The following ACAP2 variants were observed in gnomAD, a reference collection of about 807,000 sequenced individuals.
The protein encoded by ACAP2 is arf-GAP with coiled-coil, ANK repeat and PH domain-containing protein 2.
A neutral mutation model predicts 115.8 loss-of-function variants in ACAP2; 39 were observed. That is an observed-to-expected ratio of 0.34 (90% CI 0.26 to 0.44). The LOEUF (loss-of-function observed/expected upper bound fraction) is 0.44, where lower values mean the gene tolerates loss of function less well. ACAP2 is among the 20% of genes least tolerant of loss of function. The pLI is 1.00. For missense variants in ACAP2, 662 were observed against 927.6 expected (o/e 0.71, Z 3.72); for synonymous variants, 289 against 315.8 (o/e 0.92, Z 0.90).
chr3:195,355,992 G>T, intron 4 of ACAP2: 3 of 411,262 alleles, frequency 7.3e-6, no homozygotes, highest in Non-Finnish European at 1.5e-5. Context: ...CTCCCTGCAG[G>T]AACACCAAAT....
Position 195,320,786 on chromosome 3 carries a change from C to G in ACAP2, c.772G>C (p.Glu258Gln). ...CCATTTGCAGCATCTACGTTATATT[C>G]TAACTTAGAATCATCACTGGAGAAA... ...KDFSSDDSKL[E>Q]YNVDAANGIV... The change falls in exon 10 of 23, where the codon GAA becomes CAA. Residue 258 changes from glutamate (E) to glutamine (Q), a missense_variant. Glu to Gln is a conservative substitution (Grantham distance 29, BLOSUM62 2). Around this residue, in one of 3 missense-constraint regions of ACAP2, gnomAD observed 401 missense variants for 604.4 expected, o/e 0.66. Coordinates refer to ENST00000326793, the MANE Select transcript of ACAP2 (RefSeq NM_012287.6). The G allele has an allele frequency of 1.2e-6, 2 of 1,612,628 alleles. No individual in the cohort carries two copies. The highest frequency in any genetic ancestry group is 1.7e-6 in the Non-Finnish European group (2 of 1,178,938).
intron 1 of ACAP2, among the ~76,000 whole-genome samples, chr3:195,405,630 G>A (rs1045060708): frequency 1.3e-5 from 2 of 151,554 alleles, no homozygotes; most frequent in African/African-American, 4.9e-5. Context: ...AGGTTGCAGT[G>A]AGCTGAGATT....
chr3:195,346,172 T>G (rs1429185383), intron 4 of ACAP2, among the ~76,000 whole-genome samples: 1 of 152,204 alleles, frequency 6.6e-6, no homozygotes, highest in Non-Finnish European at 1.5e-5. Context: ...TCTGTCAATT[T>G]ACTTCCAGAG....
chr3:195,288,780 T>C (rs1356831401), intron 21 of ACAP2, among the ~76,000 whole-genome samples: 2 of 151,892 alleles, frequency 1.3e-5, no homozygotes, highest in Non-Finnish European at 2.9e-5. Flanking sequence ...ATGGCTTGAA[T>C]CTGGGAGGTG....
intron 18 of ACAP2, among the ~76,000 whole-genome samples, chr3:195,292,921 C>CAAAA (rs3988217): frequency 0.032 from 2,371 of 75,056 alleles, 246 homozygotes; most frequent in Non-Finnish European, 0.046. Flanking sequence ...GACTCAGTCT[C>CAAAA]AAAAAAAAAA....
chr3:195,374,326 G>T (rs1192498111), intron 4 of ACAP2, among the ~76,000 whole-genome samples: 1 of 152,176 alleles, frequency 6.6e-6, no homozygotes, highest in African/African-American at 2.4e-5. Context: ...GGAGGCGGAG[G>T]TTGCAGTGAG....
At chr3:195,441,016 A>C (rs534124834) in intron 1 of ACAP2, among the ~76,000 whole-genome samples, 1 of 152,278 alleles carries the variant, frequency 6.6e-6, no homozygotes, top group Non-Finnish European at 1.5e-5. Context: ...CTTAATCAGT[A>C]TGTTGCCCTC....
chr3:195,307,119 T>A, intron 12 of ACAP2, 104 bp downstream of exon 12: 1 of 839,510 alleles, frequency 1.2e-6, no homozygotes, highest in Non-Finnish European at 1.9e-6. Flanking sequence ...TTTTTTCTCT[T>A]TAGCACAGAT....
rs2108875923 is a variant in ACAP2, at chr3:195,277,530, T to A, written c.*1798A>T. 1 of 152,376 alleles carries A rather than the reference T, an allele frequency of 6.6e-6. No individual in the cohort carries two copies. Among genetic ancestry groups the A allele is most frequent in the Admixed American group, 6.5e-5 (1 of 15,310 alleles). The allele number at this position is 152,376 out of a possible 1,614,324, so 9.4% of individuals were successfully genotyped here. The stretch of plus-strand genomic sequence containing the variant: ...AAATAAGCATTACATGCATGCAGTT[T>A]GGCCAAATTATGGAACCTTTTCTGT... On this transcript the variant is annotated 3_prime_UTR_variant, in exon 23 of 23. Transcript: ENST00000326793.
intron 9 of ACAP2, among the ~76,000 whole-genome samples, chr3:195,321,420 G>A (rs890180761): frequency 6.6e-6 from 1 of 151,306 alleles, no homozygotes; most frequent in African/African-American, 2.4e-5. Context: ...CACCATGTTG[G>A]CCAGGCTGGT....
intron 4 of ACAP2, among the ~76,000 whole-genome samples, chr3:195,370,459 C>T (rs952789375): frequency 2.0e-5 from 3 of 152,140 alleles, no homozygotes; most frequent in African/African-American, 7.2e-5. Flanking sequence ...CTTCTGCACA[C>T]GGCTAGCCAG....
chr3:195,424,915 TAAAAAAAAAA>T lies in ACAP2; in HGVS notation c.53+17870_53+17879del, dbSNP rs34038109. Among the ~76,000 whole-genome samples the T allele has an allele frequency of 4.5e-3, 251 of 55,630 alleles. 2 individuals are homozygous for T. The Middle Eastern group carries it at 0.062, about 14-fold the overall frequency. 36.5% of individuals were successfully genotyped at this position (55,630 alleles called of 152,430 possible). ...TGAGTGATAGAGTGAGACCCTGTCT[TAAAAAAAAAA>T]AAAAAAAAAAAAAAAAAAAGGTTTT... is the stretch of plus-strand genomic sequence containing the variant. On this transcript the variant is annotated intron_variant, in intron 1 of 22. Transcript: ENST00000326793.
At chr3:195,378,666 G>C (rs77407620) in intron 4 of ACAP2, among the ~76,000 whole-genome samples, 2 of 152,026 alleles carry the variant, frequency 1.3e-5, no homozygotes, top group Non-Finnish European at 2.9e-5. Context: ...TTTGAGACCA[G>C]CCTAGCCACC....
chr3:195,412,316 TC>T (rs1438962206), intron 1 of ACAP2, among the ~76,000 whole-genome samples: 1 of 151,520 alleles, frequency 6.6e-6, no homozygotes, highest in Non-Finnish European at 1.5e-5. Flanking sequence ...GTGTGATGGC[TC>T]ACACCTGTAA....
At chr3:195,410,866 G>C (rs1713202343) in intron 1 of ACAP2, 1 of 183,526 alleles carries the variant, frequency 5.4e-6, no homozygotes, top group South Asian at 7.5e-5. Context: ...GCTGAAGAAA[G>C]GGTCCTAATG....
intron 1 of ACAP2, among the ~76,000 whole-genome samples, chr3:195,402,400 AAAAT>A (rs1712384984): frequency 6.6e-6 from 1 of 152,176 alleles, no homozygotes; most frequent in South Asian, 2.1e-4. Context: ...TCTCCAGAAA[AAAAT>A]AAAAGAATAA....
At chr3:195,372,114 G>C (rs143487293) in intron 4 of ACAP2, among the ~76,000 whole-genome samples, 1 of 152,262 alleles carries the variant, frequency 6.6e-6, no homozygotes, top group East Asian at 1.9e-4. Context: ...AATAATATCA[G>C]ATCGAGAAGC....
chr3:195,295,496 G>C, intron 17 of ACAP2: 1 of 629,592 alleles, frequency 1.6e-6, no homozygotes, highest in South Asian at 2.0e-5. Context: ...TTATTCCTTA[G>C]AATATACACA....
At chr3:195,394,024 C>G (rs1711544532) in intron 1 of ACAP2, among the ~76,000 whole-genome samples, 2 of 152,082 alleles carry the variant, frequency 1.3e-5, no homozygotes, top group Admixed American at 6.5e-5. Flanking sequence ...GCGCTTTTTA[C>G]TAAATTCTAG....
Sources: allele counts gnomAD v4.1 joint callset (sites outside exome capture counted in the v4.1 genomes callset), GRCh38; gene constraint gnomAD v4.1.1; regional missense constraint gnomAD v4.1.1; transcripts MANE v1.5; gene names NCBI Gene and HGNC (gene_info 2026-07-23, HGNC 2026-07-21).